Variants in RAB7A observed in about 807,000 individuals in gnomAD.
The protein encoded by RAB7A is RAB7A, member RAS oncogene family.
RAB7A carries 2 observed loss-of-function variants against 24.5 expected under a neutral mutation model. That is an observed-to-expected ratio of 0.08 (90% CI 0.03 to 0.26). The LOEUF (loss-of-function observed/expected upper bound fraction) is 0.26. Among genes scored for constraint, RAB7A ranks in the 10% least tolerant of loss-of-function variants. The pLI, the probability that RAB7A is intolerant of heterozygous loss-of-function variation, is 1.00. For missense variants in RAB7A, 118 were observed against 255.7 expected (o/e 0.46, Z 3.67); for synonymous variants, 100 against 95.9 (o/e 1.04, Z -0.25).
At chr3:128,758,850 GT>G (rs770621189) in intron 1 of RAB7A, among the ~76,000 whole-genome samples, 1 of 152,096 alleles carries the variant, frequency 6.6e-6, no homozygotes, top group South Asian at 2.1e-4. Flanking sequence ...TGTTTTATCT[GT>G]TTTTTGCTTA....
intron 1 of RAB7A, among the ~76,000 whole-genome samples, chr3:128,753,772 T>C (rs2070707647): frequency 6.6e-6 from 1 of 152,196 alleles, no homozygotes; most frequent in Non-Finnish European, 1.5e-5. Flanking sequence ...GGAGCTAGTA[T>C]GGCCTAATCA....
Position 128,750,118 on chromosome 3 carries a change from G to A in RAB7A, c.-9+23759G>A, listed in dbSNP as rs1181385781. Among the ~76,000 whole-genome samples, 6 of 152,192 alleles carry A rather than the reference G, an allele frequency of 3.9e-5. No individual in the cohort carries two copies. In the South Asian group the frequency reaches 1.2e-3, roughly 31 times the overall value. The stretch of plus-strand genomic sequence containing the variant: ...GCCCAGGCTGAGGTGGTCTCAGATG[G>A]AGATGAAGAACTTGTTGGGAACTAG... On this transcript the variant is annotated intron_variant, in intron 1 of 5. Transcript: ENST00000265062.
In RAB7A at chr3:128,728,455, A is replaced by ATTTAT. The variant is rs2070401919; in HGVS notation, c.-9+2109_-9+2113dup. 5.3e-5 allele frequency among the ~76,000 whole-genome samples: 8 copies of ATTTAT among 152,196 alleles called. 1 individual carries two copies. The highest frequency in any genetic ancestry group is 2.6e-4 in the Admixed American group (4 of 15,270). ...TTGTTTCTCCTTTTGCTCTAGTGGC[A>ATTTAT]TTTATTTTATTTTATTTATATTTTG... On this transcript the variant is annotated intron_variant, in intron 1 of 5. Coordinates refer to ENST00000265062, the MANE Select transcript of RAB7A (RefSeq NM_004637.6).
At chr3:128,727,541 T>C (rs1389317896) in intron 1 of RAB7A, among the ~76,000 whole-genome samples, 1 of 152,210 alleles carries the variant, frequency 6.6e-6, no homozygotes, top group African/African-American at 2.4e-5. Flanking sequence ...TTATCACACA[T>C]ATTGTGGTGT....
At chr3:128,743,111 G>A (rs2070571503) in intron 1 of RAB7A, among the ~76,000 whole-genome samples, 1 of 152,242 alleles carries the variant, frequency 6.6e-6, no homozygotes, top group African/African-American at 2.4e-5. Context: ...ATGTGGCACA[G>A]GTGGGCTGGC....
At chr3:128,795,908 C>T (rs1933563874) in intron 2 of RAB7A, among the ~76,000 whole-genome samples, 1 of 151,702 alleles carries the variant, frequency 6.6e-6, no homozygotes, top group African/African-American at 2.4e-5. Flanking sequence ...CCCGCCACCA[C>T]GCCCGGCTAG....
chr3:128,779,590 G>C (rs372201370), intron 1 of RAB7A, among the ~76,000 whole-genome samples: 4 of 151,314 alleles, frequency 2.6e-5, no homozygotes, highest in African/African-American at 7.3e-5. Context: ...GTGTTGGGGT[G>C]GGGTGGGGGG....
At chr3:128,742,576 C>G (rs749180215) in intron 1 of RAB7A, among the ~76,000 whole-genome samples, 1 of 152,034 alleles carries the variant, frequency 6.6e-6, no homozygotes, top group Non-Finnish European at 1.5e-5. Flanking sequence ...TCTAGCTAGA[C>G]GTAAAAGTTC....
intron 5 of RAB7A, among the ~76,000 whole-genome samples, chr3:128,810,908 A>G (rs374415773): frequency 1.3e-5 from 2 of 152,238 alleles, no homozygotes; most frequent in East Asian, 1.9e-4. Flanking sequence ...ACAAAAAATT[A>G]GCTGGCGTGG....
At chr3:128,773,148 C>T (rs1450242755) in intron 1 of RAB7A, among the ~76,000 whole-genome samples, 1 of 151,862 alleles carries the variant, frequency 6.6e-6, no homozygotes, top group African/African-American at 2.4e-5. Flanking sequence ...AAGTAAGGAG[C>T]GTCTCTGCCC....
intron 1 of RAB7A, among the ~76,000 whole-genome samples, chr3:128,782,605 T>A (rs1188328489): frequency 6.9e-6 from 1 of 144,834 alleles, no homozygotes; most frequent in East Asian, 2.0e-4. Context: ...TCAGCATGCC[T>A]CTGTTGTCCA....
chr3:128,798,905 C>A, intron 3 of RAB7A: 1 of 304,720 alleles, frequency 3.3e-6, no homozygotes, highest in Non-Finnish European at 6.4e-6. Context: ...ATGATGCCAG[C>A]TGAGGTTGTC....
intron 1 of RAB7A, among the ~76,000 whole-genome samples, chr3:128,728,277 G>T (rs2070399824): frequency 6.6e-6 from 1 of 152,290 alleles, no homozygotes; most frequent in South Asian, 2.1e-4. Context: ...TGAATCAGTA[G>T]TAACCCAAAG....
intron 1 of RAB7A, among the ~76,000 whole-genome samples, chr3:128,733,785 T>C (rs948085464): frequency 4.6e-5 from 7 of 152,222 alleles, no homozygotes; most frequent in South Asian, 2.1e-4. Flanking sequence ...TTCTGATATA[T>C]TGGGGATTAG....
At chr3:128,808,296 G>T (rs1291536569) in intron 5 of RAB7A, among the ~76,000 whole-genome samples, 2 of 152,096 alleles carry the variant, frequency 1.3e-5, no homozygotes, top group Non-Finnish European at 2.9e-5. Flanking sequence ...GGCGGCAGAG[G>T]TTGCAGTGAG....
chr3:128,782,559 C>G (rs1354206185), intron 1 of RAB7A, among the ~76,000 whole-genome samples: 1 of 151,692 alleles, frequency 6.6e-6, no homozygotes, highest in African/African-American at 2.4e-5. Context: ...GTGACTGTAC[C>G]TTCTGATACT....
intron 1 of RAB7A, among the ~76,000 whole-genome samples, chr3:128,761,052 A>AT (rs2070772523): frequency 6.6e-6 from 1 of 152,132 alleles, no homozygotes; most frequent in Non-Finnish European, 1.5e-5. Context: ...AAGAGGTCAG[A>AT]TTTTTCCAGC....
chr3:128,807,815 T>G, intron 5 of RAB7A, 144 bp downstream of exon 5: 1 of 1,240,692 alleles, frequency 8.1e-7, no homozygotes, highest in Non-Finnish European at 1.2e-6. Flanking sequence ...TCTGGGAAGG[T>G]TATGACATGT....
intron 1 of RAB7A, among the ~76,000 whole-genome samples, chr3:128,751,833 A>T (rs2070684364): frequency 3.3e-5 from 5 of 152,148 alleles, no homozygotes; most frequent in Admixed American, 2.6e-4. Flanking sequence ...TATGGGAGGG[A>T]CCCAGTGGGA....
Sources: allele counts gnomAD v4.1 joint callset (sites outside exome capture counted in the v4.1 genomes callset), GRCh38; gene constraint gnomAD v4.1.1; transcripts MANE v1.5; gene names NCBI Gene and HGNC (gene_info 2026-07-23, HGNC 2026-07-21).